CLSTN1: variants seen among roughly 807,000 people sequenced by gnomAD.
CLSTN1 encodes the protein calsyntenin-1.
In CLSTN1, 28 loss-of-function variants were observed where a neutral mutation model predicts 108.3. The observed-to-expected ratio is 0.26, with a 90% CI of 0.19 to 0.35. CLSTN1 has a LOEUF of 0.35. Among genes scored for constraint, CLSTN1 ranks in the 10% least tolerant of loss-of-function variants. The probability of loss-of-function intolerance (pLI) is 1.00; values close to 1 mark genes in which losing one functional copy is unlikely to be tolerated. For synonymous variants in CLSTN1, 524 were observed against 534.9 expected (o/e 0.98, Z 0.28); for missense variants, 1,157 against 1,302.6 (o/e 0.89, Z 1.72).
rs146428342 is a variant in CLSTN1, at chr1:9,734,574, C to CA, written c.2110+373dup. 9.8e-3 allele frequency among the ~76,000 whole-genome samples: 996 copies of CA among 101,942 alleles called. 6 individuals are homozygous for CA. Among genetic ancestry groups the CA allele is most frequent in the African/African-American group, 0.027 (718 of 27,030 alleles). The allele number at this position is 101,942 out of a possible 152,430, so 66.9% of individuals were successfully genotyped here. On this transcript the variant is annotated intron_variant, in intron 14 of 18. Coordinates refer to ENST00000377298, the MANE Select transcript of CLSTN1 (RefSeq NM_001009566.3). This position sits in a 1 kb window ranked among gnomAD's most constrained non-coding sequence, Gnocchi z 4.8. ...TGGGCGACAGAGTGAGACTCCATCT[C>CA]AAAAAAAAAAAAAAAGGGGGGGAGT...
At chr1:9,782,987 A>C (rs1334627279) in intron 1 of CLSTN1, among the ~76,000 whole-genome samples, 1 of 152,200 alleles carries the variant, frequency 6.6e-6, no homozygotes, top group Non-Finnish European at 1.5e-5. Context: ...AGCCTGGGTG[A>C]CAGAGCGAGA....
chr1:9,756,654 C>T (rs983429648), intron 2 of CLSTN1, 144 bp from the exon 3 acceptor site: 7 of 643,118 alleles, frequency 1.1e-5, no homozygotes, highest in Middle Eastern at 5.1e-4. Context: ...TACAGCAAAA[C>T]CTAATCTTCA....
rs117543426 is a variant in CLSTN1, at chr1:9,785,591, G to A, written c.92-12197C>T. On this transcript the variant is annotated intron_variant, in intron 1 of 18. Transcript: ENST00000377298. ...GGCCTCAAAACCACTGGATGTCCGC[G>A]GCCTCCCCACCAAGATGTGCCAACC... Among the ~76,000 whole-genome samples the A allele has an allele frequency of 4.4e-3, 665 of 151,998 alleles. 12 individuals carry two copies. Among genetic ancestry groups the A allele is most frequent in the East Asian group, 0.043 (221 of 5,160 alleles).
At chr1:9,762,376 G>A (rs533870398) in intron 2 of CLSTN1, among the ~76,000 whole-genome samples, 29 of 151,874 alleles carry the variant, frequency 1.9e-4, no homozygotes, top group South Asian at 8.3e-4. Flanking sequence ...CATGAGAATC[G>A]CTTGAACCCG....
intron 1 of CLSTN1, among the ~76,000 whole-genome samples, chr1:9,809,173 G>A (rs1301520167): frequency 6.6e-6 from 1 of 152,166 alleles, no homozygotes; most frequent in East Asian, 1.9e-4. Context: ...ACTGTCCGCT[G>A]GCCACAGATG....
chr1:9,805,796 G>C (rs944537508), intron 1 of CLSTN1, among the ~76,000 whole-genome samples: 2 of 150,036 alleles, frequency 1.3e-5, no homozygotes, highest in Non-Finnish European at 3.0e-5. Flanking sequence ...GAACCCAGGA[G>C]GCGGAGGTTG....
In CLSTN1 at chr1:9,751,656, C is replaced by A. The variant is rs767264166; in HGVS notation, c.466G>T (p.Asp156Tyr). 6.2e-7 allele frequency: 1 copy of A among 1,614,076 alleles called. No homozygotes were observed. Among genetic ancestry groups the A allele is most frequent in the Non-Finnish European group, 8.5e-7 (1 of 1,180,018 alleles). Residue 156 changes from aspartate (D) to tyrosine (Y), a missense_variant, in exon 5 of 19, where the codon GAC (aspartate) becomes TAC (tyrosine). Asp to Tyr is a radical substitution (Grantham distance 160, BLOSUM62 -3). Transcript: ENST00000377298. ...HKATVHIQVN[D>Y]VNEYAPVFKE... ...AACACGGGCGCGTACTCATTCACGTCGTTCACCTGAATATGAACAGTTGCT... is the reference window on the plus strand; with the variant it reads ...AACACGGGCGCGTACTCATTCACGTAGTTCACCTGAATATGAACAGTTGCT...
chr1:9,757,947 G>A (rs1240230756), intron 2 of CLSTN1, among the ~76,000 whole-genome samples: 1 of 151,368 alleles, frequency 6.6e-6, no homozygotes, highest in East Asian at 2.0e-4. Flanking sequence ...CATTTTGCTT[G>A]GTTTTAAGGT....
At chr1:9,778,916 A>AG (rs1257142454) in intron 1 of CLSTN1, among the ~76,000 whole-genome samples, 1 of 151,938 alleles carries the variant, frequency 6.6e-6, no homozygotes, top group Non-Finnish European at 1.5e-5. Context: ...CCAGCTACTC[A>AG]GGAGGCTGAG....
intron 1 of CLSTN1, among the ~76,000 whole-genome samples, chr1:9,796,425 C>G (rs1194858653): frequency 6.7e-6 from 1 of 150,280 alleles, no homozygotes; most frequent in Non-Finnish European, 1.5e-5. Flanking sequence ...GCCTGTAATC[C>G]CAGCACTTTG....
intron 1 of CLSTN1, among the ~76,000 whole-genome samples, chr1:9,787,960 C>G (rs892213864): frequency 6.6e-5 from 10 of 151,432 alleles, no homozygotes; most frequent in African/African-American, 2.2e-4. Flanking sequence ...GTGAATTTGA[C>G]TATTTGACTA....
chr1:9,747,158 G>A (rs1386381712), intron 7 of CLSTN1, among the ~76,000 whole-genome samples: 12 of 123,036 alleles, frequency 9.8e-5, no homozygotes, highest in African/African-American at 1.3e-4. Context: ...CAGCCTGGGC[G>A]ACAGAGGGAG....
At chr1:9,732,794 C>T (rs540416796) in intron 16 of CLSTN1, among the ~76,000 whole-genome samples, 6 of 152,364 alleles carry the variant, frequency 3.9e-5, no homozygotes, top group African/African-American at 1.4e-4. Flanking sequence ...CCTGCGTGAG[C>T]CCCTCTCAAC....
In CLSTN1 at chr1:9,800,274, C is replaced by A. The variant is rs1654196627; in HGVS notation, c.91+23369G>T. Among the ~76,000 whole-genome samples, 4 of 151,466 alleles carry A rather than the reference C, an allele frequency of 2.6e-5. 1 individual carries two copies. In the South Asian group the frequency reaches 8.3e-4, roughly 32 times the overall value. On this transcript the variant is annotated intron_variant, in intron 1 of 18. Coordinates refer to ENST00000377298, the MANE Select transcript of CLSTN1 (RefSeq NM_001009566.3). ...GAAAACAGGAACTCAATAGAGAAAA[C>A]CAACAAAACCAAAAGCTGGTTTTTT...
chr1:9,753,450 G>A (rs1433553163), intron 4 of CLSTN1, among the ~76,000 whole-genome samples: 1 of 151,978 alleles, frequency 6.6e-6, no homozygotes, highest in Admixed American at 6.6e-5. Context: ...AACACACTCA[G>A]GATTGTGGCA....
At chr1:9,791,829 C>A (rs916833773) in intron 1 of CLSTN1, among the ~76,000 whole-genome samples, 1 of 151,236 alleles carries the variant, frequency 6.6e-6, no homozygotes, top group Admixed American at 6.7e-5. Context: ...CCACCACATG[C>A]GGCCCCAAAT....
chr1:9,785,144 T>C (rs1653423614), intron 1 of CLSTN1, among the ~76,000 whole-genome samples: 1 of 151,892 alleles, frequency 6.6e-6, no homozygotes, highest in African/African-American at 2.4e-5. Flanking sequence ...CTTGAACTCT[T>C]GACCTCAGGT....
rs1655101081 is a variant in CLSTN1, at chr1:9,819,183, G to A, written c.91+4460C>T. On this transcript the variant is annotated intron_variant, in intron 1 of 18. Transcript: ENST00000377298. Reference sequence around the variant, plus strand: ...CCTCAACCAGAATACATAAGAAATAGACTCTTGGCGGTTTTTTAGGATAAT... The same window carrying A: ...CCTCAACCAGAATACATAAGAAATAAACTCTTGGCGGTTTTTTAGGATAAT... 2.0e-5 allele frequency among the ~76,000 whole-genome samples: 3 copies of A among 152,200 alleles called. No homozygotes were observed. The South Asian group carries it at 6.2e-4, about 32-fold the overall frequency.
At chr1:9,741,000 G>GGCTGTA in intron 10 of CLSTN1, 94 bp downstream of exon 10, 1 of 1,363,644 alleles carries the variant, frequency 7.3e-7, no homozygotes, top group Non-Finnish European at 1.0e-6. Flanking sequence ...ACGAGGGTAA[G>GGCTGTA]GCTGTAGGAT....
Sources: allele counts gnomAD v4.1 joint callset (sites outside exome capture counted in the v4.1 genomes callset), GRCh38; gene constraint gnomAD v4.1.1; non-coding constraint Gnocchi (gnomAD v3.1); transcripts MANE v1.5; gene names NCBI Gene and HGNC (gene_info 2026-07-23, HGNC 2026-07-21).